The following NTRK2 variants were observed in gnomAD, a reference collection of about 807,000 sequenced individuals.
The protein encoded by NTRK2 is BDNF/NT-3 growth factors receptor.
Under a neutral mutation model 94.5 loss-of-function variants are expected in NTRK2, and 13 were observed. The observed-to-expected ratio is 0.14, with a 90% confidence interval of 0.09 to 0.22. The LOEUF is 0.22. Ranked by LOEUF, NTRK2 falls within the 10% of genes least tolerant of loss-of-function variation. The probability of loss-of-function intolerance (pLI) is 1.00; values close to 1 mark genes in which losing one functional copy is unlikely to be tolerated. For missense variants in NTRK2, 639 were observed against 1,071.2 expected (o/e 0.60, Z 5.63); for synonymous variants, 372 against 407.4 (o/e 0.91, Z 1.05).
At chr9:84,911,804 G>A (rs934244970) in intron 14 of NTRK2, among the ~76,000 whole-genome samples, 2 of 151,934 alleles carry the variant, frequency 1.3e-5, no homozygotes, top group Admixed American at 1.3e-4. Flanking sequence ...CTTGTTTTGG[G>A]TTTATACTGC....
chr9:85,007,773 G>C (rs1350151616), intron 17 of NTRK2, among the ~76,000 whole-genome samples: 8 of 152,184 alleles, frequency 5.3e-5, no homozygotes, highest in African/African-American at 1.9e-4. Context: ...ATCCCTAACT[G>C]ATATGGCCTC....
chr9:84,747,318 G>T (rs554710239), intron 11 of NTRK2, among the ~76,000 whole-genome samples: 1 of 152,206 alleles, frequency 6.6e-6, no homozygotes, highest in East Asian at 1.9e-4. Flanking sequence ...AATGGTATCT[G>T]CTTCCTGCCG....
At chr9:85,012,685 C>A (rs551126737) in intron 17 of NTRK2, among the ~76,000 whole-genome samples, 39 of 152,156 alleles carry the variant, frequency 2.6e-4, no homozygotes, top group African/African-American at 9.2e-4. Context: ...TTATTATAAT[C>A]ATTTCTATCA....
At chr9:84,759,409 C>T (rs961531121) in intron 12 of NTRK2, among the ~76,000 whole-genome samples, 3 of 152,238 alleles carry the variant, frequency 2.0e-5, no homozygotes, top group Non-Finnish European at 4.4e-5. Context: ...TGCCTTTAGC[C>T]TTGTAGGTGG....
chr9:85,010,649 G>A (rs988154667), intron 17 of NTRK2, among the ~76,000 whole-genome samples: 1 of 152,122 alleles, frequency 6.6e-6, no homozygotes, highest in African/African-American at 2.4e-5. Context: ...GAGTTACTGG[G>A]GAGCGGGGCT....
At chr9:84,962,413 A>G (rs1259771631) in intron 17 of NTRK2, among the ~76,000 whole-genome samples, 1 of 152,214 alleles carries the variant, frequency 6.6e-6, no homozygotes, top group African/African-American at 2.4e-5. Flanking sequence ...GAGACACGTT[A>G]TTCCAGTTCT....
At position 84,814,051 on chromosome 9, in the gene NTRK2, A is replaced by G. The variant is rs144496644; in HGVS notation, c.1397-46989A>G. ...ACAGGAAAAACAAATCTCAACACAC[A>G]TTAGAGATAATTGATTCAGGGGTTT... On this transcript the variant is annotated intron_variant, in intron 12 of 18. Transcript: ENST00000277120. 89 of 1,064,698 alleles carry G rather than the reference A, an allele frequency of 8.4e-5. 1 individual carries two copies. The East Asian group carries it at 3.7e-3, about 45-fold the overall frequency. The allele number at this position is 1,064,698 out of a possible 1,614,324, so 66.0% of individuals were successfully genotyped here.
intron 14 of NTRK2, among the ~76,000 whole-genome samples, chr9:84,911,144 A>C (rs2077224992): frequency 6.6e-6 from 1 of 152,320 alleles, no homozygotes; most frequent in African/African-American, 2.4e-5. Context: ...TCCTGGAATG[A>C]ACCCCGCTTG....
In NTRK2 at chr9:84,920,495, T is replaced by C. The variant is rs1587932947; in HGVS notation, c.1634-13667T>C. On this transcript the variant is annotated intron_variant, in intron 14 of 18. Transcript: ENST00000277120. Reference sequence around the variant, plus strand: ...TTGTCCCTCCTTTGTGCTTAAGCTCTTTCCCACTCCTTCCGTCTGTTGCAC... The same window carrying C: ...TTGTCCCTCCTTTGTGCTTAAGCTCCTTCCCACTCCTTCCGTCTGTTGCAC... 2.6e-5 allele frequency among the ~76,000 whole-genome samples: 4 copies of C among 152,304 alleles called. No homozygotes were observed. The South Asian group carries it at 8.3e-4, about 32-fold the overall frequency.
intron 2 of NTRK2, among the ~76,000 whole-genome samples, chr9:84,687,785 C>T (rs1480362652): frequency 6.6e-6 from 1 of 152,182 alleles, no homozygotes; most frequent in Non-Finnish European, 1.5e-5. Context: ...GTACCTGGTA[C>T]TTTCCTGGGT....
At chr9:84,931,986 A>G (rs1050828443) in intron 14 of NTRK2, among the ~76,000 whole-genome samples, 31 of 152,304 alleles carry the variant, frequency 2.0e-4, no homozygotes, top group African/African-American at 6.5e-4. Context: ...ATATTCATCA[A>G]TATTGTTGCT....
At chr9:84,938,132 G>A (rs1349097781) in intron 15 of NTRK2, among the ~76,000 whole-genome samples, 1 of 152,192 alleles carries the variant, frequency 6.6e-6, no homozygotes, top group Non-Finnish European at 1.5e-5. Flanking sequence ...TGTACAGGAA[G>A]AAGACTTGGC....
At chr9:84,699,927 G>A (rs1277410963) in intron 2 of NTRK2, among the ~76,000 whole-genome samples, 8 of 152,190 alleles carry the variant, frequency 5.3e-5, no homozygotes, top group African/African-American at 1.9e-4. Context: ...AAAAGAAAGG[G>A]CATAAGTAAC....
intron 12 of NTRK2, among the ~76,000 whole-genome samples, chr9:84,800,209 C>CT (rs11403600): frequency 0.73 from 109,490 of 149,320 alleles, 40,984 homozygotes; most frequent in Admixed American, 0.83. Context: ...TAGTTTCTTT[C>CT]TTTTTTTTTT....
At chr9:85,009,194 C>G (rs10122870) in intron 17 of NTRK2, among the ~76,000 whole-genome samples, 3 of 152,326 alleles carry the variant, frequency 2.0e-5, no homozygotes, top group African/African-American at 7.2e-5. Context: ...ACAAAATAAA[C>G]TTACTTTTCA....
At chr9:84,869,080 A>C (rs1488398859) in intron 14 of NTRK2, among the ~76,000 whole-genome samples, 1 of 152,136 alleles carries the variant, frequency 6.6e-6, no homozygotes, top group Admixed American at 6.6e-5. Flanking sequence ...CAAAATAACA[A>C]ATGAGATCCT....
intron 13 of NTRK2, among the ~76,000 whole-genome samples, chr9:84,865,615 A>T (rs909576638): frequency 6.6e-6 from 1 of 152,236 alleles, no homozygotes; most frequent in African/African-American, 2.4e-5. Context: ...GGAAGTGCTG[A>T]AACATGCATT....
chr9:84,989,137 G>A (rs920144931), intron 17 of NTRK2, among the ~76,000 whole-genome samples: 3 of 152,144 alleles, frequency 2.0e-5, no homozygotes, highest in Admixed American at 6.5e-5. Flanking sequence ...TAGGACTAAA[G>A]TAGTACAATT....
rs371313025 is a variant in NTRK2, at chr9:84,710,717, A to G, written c.509A>G (p.Asp170Gly). Residue 170 changes from aspartate to glycine, a missense_variant, in exon 6 of 19, where the codon GAC becomes GGC. Physicochemically the swap from Asp to Gly is moderately conservative, Grantham distance 94. Coordinates refer to ENST00000277120, the MANE Select transcript of NTRK2 (RefSeq NM_006180.6). ...CTCCAAGAGGCTAAATCCAGTCCAG[A>G]CACTCAGGATTTGTACTGCCTGAAT... The part of the protein sequence containing the change: ...KTLQEAKSSP[D>G]TQDLYCLNES... 1 of 1,614,070 alleles carries G rather than the reference A, an allele frequency of 6.2e-7. No individual in the cohort carries two copies. The highest frequency in any genetic ancestry group is 1.1e-5 in the South Asian group (1 of 91,074).
Sources: allele counts gnomAD v4.1 joint callset (sites outside exome capture counted in the v4.1 genomes callset), GRCh38; gene constraint gnomAD v4.1.1; transcripts MANE v1.5; gene names NCBI Gene and HGNC (gene_info 2026-07-23, HGNC 2026-07-21).